The following CERS6 variants were observed in gnomAD, a reference collection of about 807,000 sequenced individuals.
The protein encoded by CERS6 is ceramide synthase 6.
A neutral mutation model predicts 56.8 loss-of-function variants in CERS6; 26 were observed. The ratio of observed to expected loss-of-function variants is 0.46; its 90% CI spans 0.34 to 0.63. CERS6 has a LOEUF of 0.63. CERS6 is among the 30% of genes least tolerant of loss of function. The pLI, the probability that CERS6 is intolerant of heterozygous loss-of-function variation, is 0.01. For synonymous variants in CERS6, 164 were observed against 173.3 expected, an observed-to-expected ratio of 0.95 and a Z score of 0.42; for missense variants, 415 against 467.5, an observed-to-expected ratio of 0.89 and a Z score of 1.04.
intron 8 of CERS6, among the ~76,000 whole-genome samples, chr2:168,764,091 A>G (rs1036293069): frequency 6.6e-6 from 1 of 152,174 alleles, no homozygotes; most frequent in Non-Finnish European, 1.5e-5. Flanking sequence ...CCTAATTCAA[A>G]TACATACTCT....
chr2:168,546,890 C>T (rs1695475517), intron 1 of CERS6, among the ~76,000 whole-genome samples: 1 of 152,210 alleles, frequency 6.6e-6, no homozygotes, highest in Admixed American at 6.5e-5. Flanking sequence ...GCACCTCATT[C>T]ACACAGCAAA....
At chr2:168,469,753 G>A (rs1693943729) in intron 1 of CERS6, among the ~76,000 whole-genome samples, 1 of 152,214 alleles carries the variant, frequency 6.6e-6, no homozygotes, top group African/African-American at 2.4e-5. Context: ...TCCCTACCAG[G>A]GTACACTGTT....
At chr2:168,657,148 T>A (rs570146455) in intron 4 of CERS6, among the ~76,000 whole-genome samples, 1 of 152,312 alleles carries the variant, frequency 6.6e-6, no homozygotes, top group South Asian at 2.1e-4. Flanking sequence ...ATTGGTGCAG[T>A]CACAAACCTT....
chr2:168,641,154 G>A (rs955479799), intron 4 of CERS6, among the ~76,000 whole-genome samples: 1 of 152,114 alleles, frequency 6.6e-6, no homozygotes, highest in Non-Finnish European at 1.5e-5. Context: ...CAGACGACAT[G>A]ATTGCTCAGA....
At chr2:168,718,888 T>G (rs1367673777) in intron 8 of CERS6, among the ~76,000 whole-genome samples, 1 of 152,226 alleles carries the variant, frequency 6.6e-6, no homozygotes, top group Non-Finnish European at 1.5e-5. Context: ...CCTGCACAGG[T>G]AGAGGCAGAG....
At chr2:168,766,100 C>T (rs1213112679) in intron 9 of CERS6, among the ~76,000 whole-genome samples, 1 of 152,158 alleles carries the variant, frequency 6.6e-6, no homozygotes, top group Non-Finnish European at 1.5e-5. Flanking sequence ...GTGCTGTATG[C>T]CGGTTTAAAC....
chr2:168,661,069 T>C (rs959469435), intron 4 of CERS6, among the ~76,000 whole-genome samples: 9 of 152,074 alleles, frequency 5.9e-5, no homozygotes, highest in African/African-American at 2.2e-4. Flanking sequence ...GGTGGGGCAG[T>C]TCATACACAG....
chr2:168,559,120 G>T (rs1157359543), intron 2 of CERS6, among the ~76,000 whole-genome samples: 1 of 151,922 alleles, frequency 6.6e-6, no homozygotes, highest in Non-Finnish European at 1.5e-5. Flanking sequence ...AAGGTATATT[G>T]TAGGCAATGA....
intron 2 of CERS6, among the ~76,000 whole-genome samples, chr2:168,559,733 T>C (rs1251621996): frequency 4.5e-5 from 3 of 66,286 alleles, no homozygotes; most frequent in Admixed American, 1.8e-4. Flanking sequence ...TAGAAAGGTA[T>C]CATATATATA....
At position 168,491,761 on chromosome 2, in the gene CERS6, A is replaced by G. The variant is rs1250219547; in HGVS notation, c.170+35143A>G. ...CTCATTAGGTATTTCTCCTAATGCTATCGCCTCCCCTAGCCCCTCACCCCC... is the reference window on the plus strand; with the variant it reads ...CTCATTAGGTATTTCTCCTAATGCTGTCGCCTCCCCTAGCCCCTCACCCCC... On this transcript the variant is annotated intron_variant, in intron 1 of 9. Transcript: ENST00000305747. Among the ~76,000 whole-genome samples the G allele has an allele frequency of 6.6e-5, 10 of 151,966 alleles. No individual in the cohort carries two copies. The East Asian group carries it at 1.4e-3, about 21-fold the overall frequency.
At position 168,737,107 on chromosome 2, in the gene CERS6, TA is replaced by T. The variant is rs568008297; in HGVS notation, c.845+19130del. Among the ~76,000 whole-genome samples the T allele has an allele frequency of 4.6e-5, 7 of 152,334 alleles. No homozygotes were observed. The South Asian group carries it at 8.3e-4, about 18-fold the overall frequency. ...TCTGTCTACCTTGACCTCTTCCTGA[TA>T]GCATGCCAGCCTCTTAAGAGGCACA... On this transcript the variant is annotated intron_variant, in intron 8 of 9. Coordinates refer to ENST00000305747, the MANE Select transcript of CERS6 (RefSeq NM_203463.3).
chr2:168,540,925 G>C (rs954708847), intron 1 of CERS6, among the ~76,000 whole-genome samples: 2 of 152,170 alleles, frequency 1.3e-5, no homozygotes, highest in Admixed American at 6.5e-5. Flanking sequence ...TTGCTCCAAA[G>C]GAATATCTGA....
intron 1 of CERS6, among the ~76,000 whole-genome samples, chr2:168,536,861 A>G (rs1289998183): frequency 1.3e-5 from 2 of 152,180 alleles, no homozygotes; most frequent in Admixed American, 6.5e-5. Context: ...GCTTTTTGTT[A>G]CTTTCTACAC....
At chr2:168,486,518 GGTTTTGTT>G (rs1297762644) in intron 1 of CERS6, among the ~76,000 whole-genome samples, 1 of 136,258 alleles carries the variant, frequency 7.3e-6, no homozygotes, top group Non-Finnish European at 1.6e-5. Context: ...GTCTAGATTT[GGTTTTGTT>G]TTTTTTTTTT....
intron 1 of CERS6, among the ~76,000 whole-genome samples, chr2:168,518,060 T>C (rs952298324): frequency 9.9e-5 from 15 of 152,218 alleles, no homozygotes; most frequent in African/African-American, 3.6e-4. Flanking sequence ...TAAAGGACAT[T>C]AAAGGACGTG....
intron 2 of CERS6, among the ~76,000 whole-genome samples, chr2:168,550,434 T>C (rs1032852709): frequency 2.0e-5 from 3 of 152,170 alleles, no homozygotes; most frequent in Non-Finnish European, 4.4e-5. Flanking sequence ...TGCCTCAGCC[T>C]CCCAAAGTGT....
intron 2 of CERS6, among the ~76,000 whole-genome samples, chr2:168,558,661 A>C (rs1405065034): frequency 6.6e-6 from 1 of 152,224 alleles, no homozygotes; most frequent in Admixed American, 6.5e-5. Context: ...CAAGGTCAGG[A>C]GATCGAGACC....
At chr2:168,543,489 C>T (rs1253756551) in intron 1 of CERS6, among the ~76,000 whole-genome samples, 2 of 93,564 alleles carry the variant, frequency 2.1e-5, no homozygotes, top group Non-Finnish European at 4.6e-5. Flanking sequence ...CAGTTTTTTA[C>T]ATGGTCTAAT....
At chr2:168,643,920 T>C (rs1012039702) in intron 4 of CERS6, among the ~76,000 whole-genome samples, 1 of 152,214 alleles carries the variant, frequency 6.6e-6, no homozygotes, top group Non-Finnish European at 1.5e-5. Context: ...GATGTGGATA[T>C]CTTTGGGTGC....
Sources: gnomAD v4.1 joint callset for allele counts (sites outside exome capture counted in the v4.1 genomes callset) on GRCh38, gnomAD v4.1.1 for gene constraint, MANE v1.5 for transcripts, NCBI Gene and HGNC (gene_info 2026-07-23, HGNC 2026-07-21) for gene names.